EIF3H: variants seen among roughly 807,000 people sequenced by gnomAD.
EIF3H encodes eukaryotic translation initiation factor 3 subunit H.
Under a neutral mutation model 44.2 loss-of-function variants are expected in EIF3H, and 26 were observed. That is an observed-to-expected ratio of 0.59 (90% CI 0.43 to 0.82). The LOEUF (loss-of-function observed/expected upper bound fraction) is 0.82, where lower values mean the gene tolerates loss of function less well. EIF3H is among the 40% of genes least tolerant of loss of function. EIF3H has a pLI of 0.00. For synonymous variants in EIF3H, 166 were observed against 151.9 expected (o/e 1.09, Z -0.68); for missense variants, 359 against 432.8 (o/e 0.83, Z 1.51).
chr8:116,694,377 A>G (rs748225104), intron 2 of EIF3H, among the ~76,000 whole-genome samples: 33 of 152,222 alleles, frequency 2.2e-4, no homozygotes, highest in Non-Finnish European at 4.3e-4. Context: ...CATTTTACAC[A>G]TGTAAGTGCC....
rs570060247 is a variant in EIF3H at position 116,642,165 on chromosome 8, T to G, written c.*2841A>C. 5 of 152,306 alleles carry G rather than the reference T, an allele frequency of 3.3e-5. No individual in the cohort carries two copies. In the East Asian group the frequency reaches 9.6e-4, roughly 29 times the overall value. The allele number at this position is 152,306 out of a possible 1,614,324, so 9.4% of individuals were successfully genotyped here. A position where few individuals can be genotyped will look rare whatever the true frequency, so the allele number is the denominator to read the frequency against. On this transcript the variant is annotated 3_prime_UTR_variant, in exon 8 of 8. Transcript: ENST00000521861. ...AAGTGTTTATTGTAAAAATGGAGTT[T>G]ATAATGAAAATAAAAAATTATTTCA...
At chr8:116,730,479 C>T (rs545457171) in intron 1 of EIF3H, among the ~76,000 whole-genome samples, 62 of 152,142 alleles carry the variant, frequency 4.1e-4, no homozygotes, top group Non-Finnish European at 1.9e-4. Flanking sequence ...CTGTCTTTCA[C>T]GAAACCAGTC....
rs552823929 is a variant in EIF3H, at chr8:116,682,566, C to A, written c.290-23586G>T. 1.2e-4 allele frequency among the ~76,000 whole-genome samples: 18 copies of A among 152,302 alleles called. No homozygotes were observed. In the South Asian group the frequency reaches 1.9e-3, roughly 16 times the overall value. ...CACAAAACACTTCCTAGGTCTATAT[C>A]ACCTTTCAAGAGGATAAAAGATGAA... On this transcript the variant is annotated intron_variant, in intron 2 of 7. Transcript: ENST00000521861.
Position 116,657,302 on chromosome 8 carries a change from GT to G in EIF3H, c.469del (p.Thr157LeufsTer8), listed in dbSNP as rs753929607. On this transcript the variant is annotated frameshift_variant, in exon 4 of 8. Coordinates refer to ENST00000521861, the MANE Select transcript of EIF3H (RefSeq NM_003756.3). LOFTEE classifies it high-confidence loss of function. ...SVVLIYDPIKTAQGSLSLKAY... is the reference protein window; with the variant it reads ...SVVLIYDPIKXAQGSLSLKAY... Reference sequence around the variant, plus strand: ...CTTTAGTGAGAGAGATCCTTGGGCAGTTTTTATGGGATCTCAAACAAGGAAA... The same window carrying G: ...CTTTAGTGAGAGAGATCCTTGGGCAGTTTTATGGGATCTCAAACAAGGAAA... 1.2e-6 allele frequency: 2 copies of G among 1,612,382 alleles called. No homozygotes were observed. The highest frequency in any genetic ancestry group is 2.2e-5 in the South Asian group (2 of 91,028).
At chr8:116,759,399 G>C (rs1481290994), upstream of EIF3H, among the ~76,000 whole-genome samples, 1 of 152,182 alleles carries the variant, frequency 6.6e-6, no homozygotes, top group East Asian at 1.9e-4. Context: ...AGTCTAACTA[G>C]TTCAGCTTTT....
At chr8:116,743,781 T>C (rs1815172364) in intron 1 of EIF3H, among the ~76,000 whole-genome samples, 1 of 90,080 alleles carries the variant, frequency 1.1e-5, no homozygotes, top group African/African-American at 4.6e-5. Flanking sequence ...TATATATATA[T>C]ATATATATAT....
intron 2 of EIF3H, among the ~76,000 whole-genome samples, chr8:116,694,583 T>C (rs1445491119): frequency 6.6e-6 from 1 of 152,240 alleles, no homozygotes; most frequent in Non-Finnish European, 1.5e-5. Context: ...TTATTTGTTT[T>C]AGGTATAGAC....
rs183125636 is a variant in EIF3H at position 116,722,769 on chromosome 8, T to A, written c.289+3247A>T. 1.6e-3 allele frequency among the ~76,000 whole-genome samples: 243 copies of A among 152,300 alleles called. 1 individual carries two copies. Among genetic ancestry groups the A allele is most frequent in the African/African-American group, 5.7e-3 (236 of 41,568 alleles). Reference sequence around the variant, plus strand: ...ATCATTTTTTTTAAAAAATCTACTCTCGCGAAGTCTACCTATGTAAATCCA... The same window carrying A: ...ATCATTTTTTTTAAAAAATCTACTCACGCGAAGTCTACCTATGTAAATCCA... On this transcript the variant is annotated intron_variant, in intron 2 of 7. Coordinates refer to ENST00000521861, the MANE Select transcript of EIF3H (RefSeq NM_003756.3).
At chr8:116,709,679 A>C (rs1814539863) in intron 2 of EIF3H, among the ~76,000 whole-genome samples, 1 of 152,210 alleles carries the variant, frequency 6.6e-6, no homozygotes, top group African/African-American at 2.4e-5. Context: ...GTCTTTAAGT[A>C]GTTAAATGTT....
chr8:116,763,798 G>T (rs1815541951), intron 1 of EIF3H, among the ~76,000 whole-genome samples: 1 of 152,102 alleles, frequency 6.6e-6, no homozygotes, highest in African/African-American at 2.4e-5. Context: ...TAGCTAAATT[G>T]TCTAACATTT....
intron 1 of EIF3H, among the ~76,000 whole-genome samples, chr8:116,745,351 G>A (rs955737716): frequency 1.3e-5 from 2 of 152,118 alleles, no homozygotes; most frequent in African/African-American, 4.8e-5. Flanking sequence ...CAGTAGGAAG[G>A]CCATTCACTA....
At chr8:116,731,704 T>C (rs1814952869) in intron 1 of EIF3H, among the ~76,000 whole-genome samples, 1 of 152,172 alleles carries the variant, frequency 6.6e-6, no homozygotes, top group South Asian at 2.1e-4. Flanking sequence ...CTTGAAACAT[T>C]CATGTTTTCT....
intron 2 of EIF3H, among the ~76,000 whole-genome samples, chr8:116,716,172 T>G (rs1814656538): frequency 2.0e-5 from 3 of 152,102 alleles, no homozygotes; most frequent in Non-Finnish European, 2.9e-5. Flanking sequence ...TTGTTTCTAG[T>G]ACTCAAGTGA....
intron 2 of EIF3H, among the ~76,000 whole-genome samples, chr8:116,687,362 T>TC (rs1814094051): frequency 1.3e-5 from 2 of 152,322 alleles, no homozygotes; most frequent in Non-Finnish European, 2.9e-5. Context: ...CAACAAAGTT[T>TC]ACACATTCAC....
At chr8:116,649,695 T>C (rs1813358755) in intron 5 of EIF3H, among the ~76,000 whole-genome samples, 1 of 152,198 alleles carries the variant, frequency 6.6e-6, no homozygotes, top group Admixed American at 6.5e-5. Flanking sequence ...TAAACTCCTA[T>C]TATGTGCCAG....
At chr8:116,702,506 A>T (rs1311844989) in intron 2 of EIF3H, among the ~76,000 whole-genome samples, 1 of 152,174 alleles carries the variant, frequency 6.6e-6, no homozygotes. Context: ...TACTCCACAG[A>T]GTGAGATAGC....
At chr8:116,710,881 C>T (rs1293666164) in intron 2 of EIF3H, among the ~76,000 whole-genome samples, 1 of 152,150 alleles carries the variant, frequency 6.6e-6, no homozygotes, top group Non-Finnish European at 1.5e-5. Context: ...AAAAGTAAGG[C>T]TGTAGAGACT....
upstream of EIF3H, among the ~76,000 whole-genome samples, chr8:116,758,563 T>C (rs2131006874): frequency 6.6e-6 from 1 of 152,280 alleles, no homozygotes; most frequent in South Asian, 2.1e-4. Context: ...TTTTGAAGTG[T>C]CCATGGAATA....
intron 1 of EIF3H, among the ~76,000 whole-genome samples, chr8:116,748,135 A>G (rs1815268893): frequency 6.6e-6 from 1 of 151,752 alleles, no homozygotes; most frequent in South Asian, 2.1e-4. Context: ...CTGGGCAACA[A>G]GAGCAAAACT....
Sources: gnomAD v4.1 joint callset for allele counts (sites outside exome capture counted in the v4.1 genomes callset) on GRCh38, gnomAD v4.1.1 for gene constraint, MANE v1.5 for transcripts, NCBI Gene and HGNC (gene_info 2026-07-23, HGNC 2026-07-21) for gene names.